The following MSI2 variants were observed in gnomAD, a reference collection of about 807,000 sequenced individuals.
MSI2 encodes the protein RNA-binding protein Musashi homolog 2.
Under a neutral mutation model 45.6 loss-of-function variants are expected in MSI2, and 17 were observed. The observed-to-expected ratio is 0.37, with a 90% confidence interval of 0.26 to 0.56. MSI2 has a LOEUF of 0.56. Ranked by LOEUF, MSI2 falls within the 20% of genes least tolerant of loss-of-function variation. The pLI is 0.77. For missense variants in MSI2, 293 were observed against 444.2 expected, an observed-to-expected ratio of 0.66 and a Z score of 3.06; for synonymous variants, 156 against 158.2, an observed-to-expected ratio of 0.99 and a Z score of 0.11.
At chr17:57,573,060 C>T (rs576502985) in intron 7 of MSI2, among the ~76,000 whole-genome samples, 7 of 152,180 alleles carry the variant, frequency 4.6e-5, no homozygotes, top group Non-Finnish European at 1.0e-4. Flanking sequence ...AGTCCAGATG[C>T]ACATGTCCAA....
intron 6 of MSI2, among the ~76,000 whole-genome samples, chr17:57,486,821 C>T (rs2085763354): frequency 1.3e-5 from 2 of 152,180 alleles, no homozygotes; most frequent in Admixed American, 6.5e-5. Flanking sequence ...GCCAGACTCA[C>T]GGAGAACTTC....
intron 5 of MSI2, among the ~76,000 whole-genome samples, chr17:57,304,230 G>A (rs1383337540): frequency 4.0e-5 from 6 of 151,240 alleles, no homozygotes; most frequent in South Asian, 2.1e-4. Context: ...GGTGGCGTGC[G>A]CCTGTAGTCC....
At chr17:57,618,641 T>G (rs1464025592) in intron 9 of MSI2, among the ~76,000 whole-genome samples, 1 of 151,788 alleles carries the variant, frequency 6.6e-6, no homozygotes, top group Non-Finnish European at 1.5e-5. Flanking sequence ...CCTCCTGGGT[T>G]CAAGCAATTC....
intron 10 of MSI2, among the ~76,000 whole-genome samples, chr17:57,640,448 G>T (rs71372809): frequency 5.9e-5 from 9 of 152,182 alleles, no homozygotes; most frequent in African/African-American, 2.2e-4. Flanking sequence ...TCTCAGCTCC[G>T]CTACAGTTAT....
At chr17:57,471,540 C>G (rs2143688945) in intron 6 of MSI2, among the ~76,000 whole-genome samples, 1 of 152,234 alleles carries the variant, frequency 6.6e-6, no homozygotes, top group Admixed American at 6.5e-5. Flanking sequence ...GCATCGTACT[C>G]ACAGGTGACC....
At position 57,632,699 on chromosome 17, in the gene MSI2, C is replaced by T. The variant is rs1909497434; in HGVS notation, c.727+5396C>T. On this transcript the variant is annotated intron_variant, in intron 10 of 13. Transcript: ENST00000284073. The stretch of plus-strand genomic sequence containing the variant: ...TTCCTTCATTTCCCTAACTGAAATA[C>T]ACCCACTCTCTTGGAATAATGACGT... 4 of 1,065,932 alleles carry T rather than the reference C, an allele frequency of 3.8e-6. No individual in the cohort carries two copies. In the South Asian group the frequency reaches 1.4e-4, roughly 36 times the overall value. 66.0% of individuals were successfully genotyped at this position (1,065,932 alleles called of 1,614,324 possible).
chr17:57,545,924 A>G (rs961901314), intron 7 of MSI2, among the ~76,000 whole-genome samples: 2 of 151,898 alleles, frequency 1.3e-5, no homozygotes, highest in Non-Finnish European at 2.9e-5. Flanking sequence ...GCCATTTGTG[A>G]AGACCTGGTA....
chr17:57,321,051 A>G (rs1392695219), intron 5 of MSI2, among the ~76,000 whole-genome samples: 1 of 150,910 alleles, frequency 6.6e-6, no homozygotes, highest in Non-Finnish European at 1.5e-5. Context: ...GGATTTAAGG[A>G]TATCCACTGG....
rs1009800534 is a variant in MSI2, at chr17:57,287,173, C to A, written c.312+24981C>A. Among the ~76,000 whole-genome samples, 4 of 150,816 alleles carry A rather than the reference C, an allele frequency of 2.7e-5. No homozygotes were observed. The East Asian group carries it at 7.8e-4, about 29-fold the overall frequency. Reference sequence around the variant, plus strand: ...ATTTGCTGAACCTTTATAATAGGACCCTTTCTGAGGGCCCCGTGAGCCCAA... The same window carrying A: ...ATTTGCTGAACCTTTATAATAGGACACTTTCTGAGGGCCCCGTGAGCCCAA... On this transcript the variant is annotated intron_variant, in intron 5 of 13. Coordinates refer to ENST00000284073, the MANE Select transcript of MSI2 (RefSeq NM_138962.4).
chr17:57,282,835 C>CTTT (rs564440544), intron 5 of MSI2, among the ~76,000 whole-genome samples: 2,944 of 92,736 alleles, frequency 0.032, 281 homozygotes, highest in African/African-American at 0.12. Context: ...GGGGGGCAGA[C>CTTT]TTTTTTTTTT....
chr17:57,456,467 G>A (rs1022841110), intron 6 of MSI2, among the ~76,000 whole-genome samples: 15 of 152,260 alleles, frequency 9.9e-5, no homozygotes, highest in Non-Finnish European at 7.4e-5. Context: ...GTGGTGGCAG[G>A]CACCTGTAAT....
chr17:57,587,661 G>C (rs568751957), intron 7 of MSI2, among the ~76,000 whole-genome samples: 1 of 151,954 alleles, frequency 6.6e-6, no homozygotes, highest in African/African-American at 2.4e-5. Context: ...AAGAAGACCC[G>C]TGTCGACTCA....
intron 6 of MSI2, among the ~76,000 whole-genome samples, chr17:57,472,789 A>C (rs1405205146): frequency 6.6e-6 from 1 of 152,198 alleles, no homozygotes; most frequent in African/African-American, 2.4e-5. Flanking sequence ...CGTCACACGG[A>C]GCTACCTTCT....
At chr17:57,333,507 C>T (rs1914444304) in intron 5 of MSI2, among the ~76,000 whole-genome samples, 1 of 151,618 alleles carries the variant, frequency 6.6e-6, no homozygotes, top group South Asian at 2.1e-4. Context: ...GCACAATCTC[C>T]TCTCACTGCA....
rs906367714 is a variant in MSI2, at chr17:57,552,301, CCCTT to C, written c.454+22581_454+22584del. Among the ~76,000 whole-genome samples the C allele has an allele frequency of 3.3e-5, 5 of 152,216 alleles. No individual in the cohort carries two copies. The highest frequency in any genetic ancestry group is 1.2e-4 in the African/African-American group (5 of 41,450). On this transcript the variant is annotated intron_variant, in intron 7 of 13. Coordinates refer to ENST00000284073, the MANE Select transcript of MSI2 (RefSeq NM_138962.4). The surrounding 1 kb of genome is among the most constrained non-coding windows in gnomAD (Gnocchi z 4.3). ...GTTCACTGGTCTGTAATTCCTGACT[CCCTT>C]CCTGAGAGAGTCCTGGGAACTGAGC...
At chr17:57,575,960 A>AAAAAAAAAAAG (rs2088033888) in intron 7 of MSI2, among the ~76,000 whole-genome samples, 1 of 146,420 alleles carries the variant, frequency 6.8e-6, no homozygotes. Flanking sequence ...AAAAAAAAAA[A>AAAAAAAAAAAG]AAAAAAAAAA....
chr17:57,564,589 C>G (rs1405430359), intron 7 of MSI2, among the ~76,000 whole-genome samples: 14 of 152,166 alleles, frequency 9.2e-5, no homozygotes. Flanking sequence ...GGAGACAGTG[C>G]TGCTGTCAGG....
Position 57,504,729 on chromosome 17 carries a change from G to A in MSI2, c.406-24947G>A, listed in dbSNP as rs763606408. 4.6e-5 allele frequency among the ~76,000 whole-genome samples: 7 copies of A among 152,214 alleles called. No individual in the cohort carries two copies. In the South Asian group the frequency reaches 1.0e-3, roughly 23 times the overall value. On this transcript the variant is annotated intron_variant, in intron 6 of 13. Coordinates refer to ENST00000284073, the MANE Select transcript of MSI2 (RefSeq NM_138962.4). ...GTGGATCAGCTGAGGTCGGGAGTTC[G>A]AGACCAGCCTGACCAACACGGTGAA... is the stretch of plus-strand genomic sequence containing the variant.
intron 6 of MSI2, among the ~76,000 whole-genome samples, chr17:57,463,630 C>T (rs888878112): frequency 2.6e-5 from 4 of 152,184 alleles, no homozygotes; most frequent in Admixed American, 2.6e-4. Context: ...GTTCTCATAC[C>T]TGGCCTTCCA....
Sources: gnomAD v4.1 joint callset for allele counts (sites outside exome capture counted in the v4.1 genomes callset) on GRCh38, gnomAD v4.1.1 for gene constraint, Gnocchi (gnomAD v3.1) non-coding constraint, MANE v1.5 for transcripts, NCBI Gene and HGNC (gene_info 2026-07-23, HGNC 2026-07-21) for gene names.